GPC6: variants seen among roughly 807,000 people sequenced by gnomAD.
GPC6 encodes glypican 6, also known as glypican-6.
GPC6 carries 14 observed loss-of-function variants against 55.2 expected under a neutral mutation model. The ratio of observed to expected loss-of-function variants is 0.25; its 90% CI spans 0.17 to 0.40. The LOEUF is 0.40. GPC6 is among the 10% of genes least tolerant of loss of function. GPC6 has a pLI of 1.00. For synonymous variants in GPC6, 278 were observed against 259.6 expected (o/e 1.07, Z -0.68); for missense variants, 641 against 708.5 (o/e 0.90, Z 1.08).
intron 2 of GPC6, among the ~76,000 whole-genome samples, chr13:93,670,142 C>A (rs1299374065): frequency 6.6e-6 from 1 of 152,110 alleles, no homozygotes; most frequent in Non-Finnish European, 1.5e-5. Flanking sequence ...ATAAGCCTGG[C>A]CTTACTAGCT....
At chr13:94,040,991 T>A (rs1161540046) in intron 4 of GPC6, among the ~76,000 whole-genome samples, 1 of 151,884 alleles carries the variant, frequency 6.6e-6, no homozygotes, top group Non-Finnish European at 1.5e-5. Flanking sequence ...TGAAAAACAT[T>A]ATTTTAATTC....
intron 1 of GPC6, among the ~76,000 whole-genome samples, chr13:93,323,718 G>A (rs1051280357): frequency 3.3e-5 from 5 of 152,176 alleles, no homozygotes; most frequent in Non-Finnish European, 5.9e-5. Flanking sequence ...CTTAGAGTTT[G>A]GTAGGAGACA....
At chr13:94,019,707 A>G (rs1266620268) in intron 3 of GPC6, among the ~76,000 whole-genome samples, 17 of 152,134 alleles carry the variant, frequency 1.1e-4, no homozygotes, top group Admixed American at 1.1e-3. Context: ...TCCTTACTTT[A>G]TTTATATTGG....
At chr13:94,201,184 C>T (rs1236711026) in intron 4 of GPC6, among the ~76,000 whole-genome samples, 3 of 152,150 alleles carry the variant, frequency 2.0e-5, no homozygotes, top group Non-Finnish European at 4.4e-5. Context: ...ATCTCCAGGC[C>T]TCTCACAGGG....
At chr13:93,932,460 T>A (rs765490539) in intron 3 of GPC6, among the ~76,000 whole-genome samples, 66 of 152,292 alleles carry the variant, frequency 4.3e-4, no homozygotes, top group Non-Finnish European at 8.5e-4. Context: ...AAAGGAAGAT[T>A]GCCATTAGCA....
At chr13:93,759,962 T>A (rs1335876645) in intron 2 of GPC6, among the ~76,000 whole-genome samples, 1 of 151,396 alleles carries the variant, frequency 6.6e-6, no homozygotes, top group Non-Finnish European at 1.5e-5. Flanking sequence ...AGATACCCTG[T>A]TTAAGTAATG....
At chr13:94,051,636 A>C (rs1555290831) in intron 4 of GPC6, among the ~76,000 whole-genome samples, 1 of 152,204 alleles carries the variant, frequency 6.6e-6, no homozygotes, top group Non-Finnish European at 1.5e-5. Context: ...ATTCTTAACG[A>C]AAGAGTACAT....
At chr13:93,344,125 C>T (rs1053679465) in intron 1 of GPC6, among the ~76,000 whole-genome samples, 4 of 152,204 alleles carry the variant, frequency 2.6e-5, no homozygotes, top group African/African-American at 7.2e-5. Flanking sequence ...AAATAACCCA[C>T]CTCCTCCACT....
At chr13:93,663,344 T>C (rs1475969001) in intron 2 of GPC6, among the ~76,000 whole-genome samples, 2 of 152,204 alleles carry the variant, frequency 1.3e-5, no homozygotes, top group Non-Finnish European at 2.9e-5. Context: ...CATTTACAAC[T>C]ATGTGTCAAG....
At chr13:93,880,157 C>T (rs887902017) in intron 3 of GPC6, among the ~76,000 whole-genome samples, 12 of 151,444 alleles carry the variant, frequency 7.9e-5, no homozygotes, top group East Asian at 3.9e-4. Context: ...GTCAGTGTGG[C>T]GATTCCTCAG....
At chr13:93,845,239 T>C (rs1269383549) in intron 3 of GPC6, among the ~76,000 whole-genome samples, 2 of 151,566 alleles carry the variant, frequency 1.3e-5, no homozygotes, top group African/African-American at 2.4e-5. Flanking sequence ...AAAATGCTCA[T>C]CATCACTGGC....
At chr13:94,256,196 A>G (rs1453487305) in intron 4 of GPC6, among the ~76,000 whole-genome samples, 1 of 152,194 alleles carries the variant, frequency 6.6e-6, no homozygotes, top group Non-Finnish European at 1.5e-5. Flanking sequence ...ACAGTAGCCA[A>G]GAAGGAGCAA....
Position 94,151,149 on chromosome 13 carries a change from G to A in GPC6, c.877+123255G>A, listed in dbSNP as rs142302937. On this transcript the variant is annotated intron_variant, in intron 4 of 8. Coordinates refer to ENST00000377047, the MANE Select transcript of GPC6 (RefSeq NM_005708.5). ...TCCATGAAGTGAGGTAGAGGCAGGTGTGGAATCCAAGCTTACTGAATGGTC... is the reference window on the plus strand; with the variant it reads ...TCCATGAAGTGAGGTAGAGGCAGGTATGGAATCCAAGCTTACTGAATGGTC... 1.6e-3 allele frequency among the ~76,000 whole-genome samples: 236 copies of A among 152,154 alleles called. 1 individual carries two copies. The highest frequency in any genetic ancestry group is 5.3e-3 in the African/African-American group (219 of 41,516).
At chr13:93,938,978 T>G (rs1445673174) in intron 3 of GPC6, among the ~76,000 whole-genome samples, 1 of 152,104 alleles carries the variant, frequency 6.6e-6, no homozygotes, top group African/African-American at 2.4e-5. Flanking sequence ...GACACGTGCC[T>G]GTAGTCCCAC....
intron 1 of GPC6, among the ~76,000 whole-genome samples, chr13:93,463,140 G>A (rs567611780): frequency 1.3e-5 from 2 of 152,062 alleles, no homozygotes; most frequent in Non-Finnish European, 2.9e-5. Flanking sequence ...CATCTCATTT[G>A]GGGCAACTTT....
chr13:94,174,641 T>C (rs7322277), intron 4 of GPC6, among the ~76,000 whole-genome samples: 39,625 of 152,014 alleles, frequency 0.26, 6,035 homozygotes, highest in African/African-American at 0.43. Flanking sequence ...ACATGCTATT[T>C]AGCAAAAGTT....
rs911059509 is a variant in GPC6, at chr13:93,836,729, A to T, written c.711+6184A>T. Reference sequence around the variant, plus strand: ...TTTAGAAAGTACTTTGCACTTGATAAATAATTTCATAATAAAAATAGTAAG... The same window carrying T: ...TTTAGAAAGTACTTTGCACTTGATATATAATTTCATAATAAAAATAGTAAG... On this transcript the variant is annotated intron_variant, in intron 3 of 8. Coordinates refer to ENST00000377047, the MANE Select transcript of GPC6 (RefSeq NM_005708.5). Among the ~76,000 whole-genome samples the T allele has an allele frequency of 7.9e-5, 12 of 152,276 alleles. No individual in the cohort carries two copies. In the East Asian group the frequency reaches 2.1e-3, roughly 27 times the overall value.
intron 1 of GPC6, among the ~76,000 whole-genome samples, chr13:93,358,924 G>A (rs2139174395): frequency 6.6e-6 from 1 of 151,554 alleles, no homozygotes; most frequent in African/African-American, 2.4e-5. Context: ...TGATTGTTAT[G>A]TCTGTCAAGC....
chr13:93,336,919 A>G (rs1285900088), intron 1 of GPC6, among the ~76,000 whole-genome samples: 1 of 152,182 alleles, frequency 6.6e-6, no homozygotes, highest in Admixed American at 6.5e-5. Context: ...TGCTGCTGCC[A>G]TAAAATGTTC....
Sources: gnomAD v4.1 joint callset for allele counts (sites outside exome capture counted in the v4.1 genomes callset) on GRCh38, gnomAD v4.1.1 for gene constraint, MANE v1.5 for transcripts, NCBI Gene and HGNC (gene_info 2026-07-23, HGNC 2026-07-21) for gene names.